The following SPECC1 variants were observed in gnomAD, a reference collection of about 807,000 sequenced individuals.
SPECC1 encodes cytospin-B.
A neutral mutation model predicts 104.1 loss-of-function variants in SPECC1; 62 were observed. The observed-to-expected ratio is 0.60, with a 90% CI of 0.49 to 0.74. The LOEUF (loss-of-function observed/expected upper bound fraction) is 0.74. Ranked by LOEUF, SPECC1 falls within the 30% of genes least tolerant of loss-of-function variation. The probability of loss-of-function intolerance (pLI) is 0.00; values close to 1 mark genes in which losing one functional copy is unlikely to be tolerated. For missense variants in SPECC1, 1,306 were observed against 1,310.5 expected, an observed-to-expected ratio of 1.00 and a Z score of 0.05; for synonymous variants, 513 against 501.6, an observed-to-expected ratio of 1.02 and a Z score of -0.30.
At position 20,205,572 on chromosome 17, in the gene SPECC1, T is replaced by C. The variant is rs150373129; in HGVS notation, c.1523T>C (p.Met508Thr). The change falls in exon 4 of 15, where the codon ATG becomes ACG. Residue 508 changes from methionine (M) to threonine (T), a missense_variant. Met to Thr is a moderately conservative substitution (Grantham distance 81). Transcript: ENST00000395527. Reference sequence around the variant, plus strand: ...GAAGAAAACCAAGGAGCTTTAGAAATGATTAAACGTCTGAAGGAAGAAAAT... The same window carrying C: ...GAAGAAAACCAAGGAGCTTTAGAAACGATTAAACGTCTGAAGGAAGAAAAT... ...VEEENQGALE[M>T]IKRLKEENEK... 894 of 1,613,940 alleles carry C rather than the reference T, an allele frequency of 5.5e-4. 3 individuals are homozygous for C. In the African/African-American group the frequency reaches 9.1e-3, roughly 16 times the overall value.
At chr17:20,051,053 T>C (rs1294000142) in intron 1 of SPECC1, among the ~76,000 whole-genome samples, 2 of 136,974 alleles carry the variant, frequency 1.5e-5, no homozygotes, top group African/African-American at 5.2e-5. Context: ...CTTGGTTCTT[T>C]CTTTCTTTCT....
chr17:20,201,367 A>C (rs1555626501), intron 3 of SPECC1, among the ~76,000 whole-genome samples: 2 of 152,124 alleles, frequency 1.3e-5, no homozygotes, highest in Non-Finnish European at 2.9e-5. Flanking sequence ...CTGTAGTTCC[A>C]GCTATTCGGG....
At chr17:20,265,012 C>CT (rs1347749418) in intron 12 of SPECC1, among the ~76,000 whole-genome samples, 2 of 152,184 alleles carry the variant, frequency 1.3e-5, no homozygotes, top group African/African-American at 4.8e-5. Flanking sequence ...ACCACATTTT[C>CT]TTTATCCAAC....
intron 1 of SPECC1, among the ~76,000 whole-genome samples, chr17:20,031,640 C>A (rs574701659): frequency 1.3e-5 from 2 of 152,186 alleles, no homozygotes; most frequent in Non-Finnish European, 2.9e-5. Flanking sequence ...AAATTCTGTA[C>A]CCATTCAACA....
chr17:20,059,932 T>G (rs2046121824), intron 1 of SPECC1, among the ~76,000 whole-genome samples: 1 of 152,242 alleles, frequency 6.6e-6, no homozygotes, highest in Non-Finnish European at 1.5e-5. Context: ...GAGGTTTCAT[T>G]CGGCAGCAAG....
In SPECC1 at chr17:20,204,405, G is replaced by A. The variant is rs1303140063; in HGVS notation, c.356G>A (p.Arg119Lys). ...TTTTCAGTAACTGTCTCAAGAGAGA[G>A]GTCTGTGCCACGTGGTCCCTCCAAC... ...REFSVTVSRE[R>K]SVPRGPSNPR... Residue 119 changes from arginine to lysine, a missense_variant, in exon 4 of 15, where the codon AGG becomes AAG. By Grantham distance (26) the Arg-to-Lys change is conservative. Coordinates refer to ENST00000395527, the MANE Select transcript of SPECC1 (RefSeq NM_001243439.2). 3.1e-6 allele frequency: 5 copies of A among 1,614,092 alleles called. No individual in the cohort carries two copies. Among genetic ancestry groups the A allele is most frequent in the Admixed American group, 3.3e-5 (2 of 60,018 alleles).
At chr17:20,075,083 A>G (rs1311676788) in intron 1 of SPECC1, among the ~76,000 whole-genome samples, 2 of 151,286 alleles carry the variant, frequency 1.3e-5, no homozygotes, top group Non-Finnish European at 2.9e-5. Context: ...TTGTATTTTT[A>G]GTAAAGACAA....
chr17:20,253,574 C>T lies in SPECC1; in HGVS notation c.2668C>T (p.Leu890Phe). 1 of 1,614,018 alleles carries T rather than the reference C, an allele frequency of 6.2e-7. No homozygotes were observed. The highest frequency in any genetic ancestry group is 8.5e-7 in the Non-Finnish European group (1 of 1,180,018). Reference sequence around the variant, plus strand: ...GACTCAACGCTTGGACCTTCCTGACCTTCCCCTCTCAGGTAAATTATGTCA... The same window carrying T: ...GACTCAACGCTTGGACCTTCCTGACTTTCCCCTCTCAGGTAAATTATGTCA... ...GVTQRLDLPD[L>F]PLSDILKGRT... is the part of the protein sequence containing the mutation. Residue 890 changes from leucine to phenylalanine, a missense_variant, in exon 10 of 15, where the codon CTT (leucine) becomes TTT (phenylalanine). This residue lies in a region of SPECC1 where 1,177 missense variants were observed against 1,139.9 expected (regional missense o/e 1.03). Transcript: ENST00000395527.
At chr17:20,117,621 T>C (rs1441442876) in intron 3 of SPECC1, among the ~76,000 whole-genome samples, 1 of 146,260 alleles carries the variant, frequency 6.8e-6, no homozygotes, top group Non-Finnish European at 1.5e-5. Context: ...ACCTCATCTC[T>C]ACAAAAATAA....
At position 20,282,652 on chromosome 17, in the gene SPECC1, G is replaced by T. The variant is rs79406441; in HGVS notation, c.2941-14309G>T. Among the ~76,000 whole-genome samples the T allele has an allele frequency of 4.5e-3, 678 of 152,244 alleles. 3 individuals are homozygous for T. Among genetic ancestry groups the T allele is most frequent in the African/African-American group, 0.015 (607 of 41,536 alleles). On this transcript the variant is annotated intron_variant, in intron 12 of 14. Coordinates refer to ENST00000395527, the MANE Select transcript of SPECC1 (RefSeq NM_001243439.2). Reference sequence around the variant, plus strand: ...GACTGGAAAGGTGCAATGAAGCCACGGCAGAGGAGACCCCCTTCACACGTC... The same window carrying T: ...GACTGGAAAGGTGCAATGAAGCCACTGCAGAGGAGACCCCCTTCACACGTC...
intron 3 of SPECC1, among the ~76,000 whole-genome samples, chr17:20,192,655 C>T (rs539429076): frequency 6.6e-6 from 1 of 152,272 alleles, no homozygotes; most frequent in East Asian, 1.9e-4. Flanking sequence ...TCTCTTCTAC[C>T]TCCCAGTTTC....
chr17:20,246,009 C>T lies in SPECC1; in HGVS notation c.2435C>T (p.Thr812Ile), dbSNP rs1282558356. The stretch of plus-strand genomic sequence containing the variant: ...GTCTGTGTTAGCAGAACATCTCCAA[C>T]ACCCCCAGAGTCGGCAACCACCGTT... ...PGVCVSRTSPTPPESATTVKS... is the reference protein window; with the variant it reads ...PGVCVSRTSPIPPESATTVKS... Residue 812 changes from threonine to isoleucine, a missense_variant, in exon 8 of 15, where the codon ACA becomes ATA. Coordinates refer to ENST00000395527, the MANE Select transcript of SPECC1 (RefSeq NM_001243439.2). The T allele has an allele frequency of 3.1e-6, 5 of 1,613,966 alleles. No individual in the cohort carries two copies. The highest frequency in any genetic ancestry group is 3.4e-6 in the Non-Finnish European group (4 of 1,180,028).
At chr17:20,019,658 G>C (rs142989017) in intron 1 of SPECC1, among the ~76,000 whole-genome samples, 163 of 152,316 alleles carry the variant, frequency 1.1e-3, no homozygotes, top group African/African-American at 3.8e-3. Flanking sequence ...CTGATAGCAG[G>C]AATGACACGA....
intron 3 of SPECC1, among the ~76,000 whole-genome samples, chr17:20,172,303 C>A (rs930637337): frequency 1.3e-5 from 2 of 152,168 alleles, no homozygotes; most frequent in Non-Finnish European, 1.5e-5. Flanking sequence ...ACTGCAAGGC[C>A]CAGTTTGCAC....
chr17:20,240,316 GT>G (rs1224970888), intron 7 of SPECC1, among the ~76,000 whole-genome samples: 1 of 151,370 alleles, frequency 6.6e-6, no homozygotes, highest in Non-Finnish European at 1.5e-5. Context: ...TGAGCTGATT[GT>G]TTTTTTCTCA....
intron 1 of SPECC1, among the ~76,000 whole-genome samples, chr17:20,060,736 A>G (rs2046155378): frequency 6.6e-6 from 1 of 152,180 alleles, no homozygotes; most frequent in African/African-American, 2.4e-5. Flanking sequence ...AGTTGTATTT[A>G]TGCCACTCAC....
intron 1 of SPECC1, among the ~76,000 whole-genome samples, chr17:20,047,062 A>C (rs1057396952): frequency 6.6e-6 from 1 of 152,204 alleles, no homozygotes; most frequent in East Asian, 1.9e-4. Flanking sequence ...GAAGCTATGA[A>C]GTTCCCATTA....
At chr17:20,157,136 C>A (rs1442649073) in intron 3 of SPECC1, among the ~76,000 whole-genome samples, 1 of 152,292 alleles carries the variant, frequency 6.6e-6, no homozygotes, top group Middle Eastern at 3.4e-3. Context: ...TTTTCCGGAG[C>A]TGGGTGCCGT....
At chr17:20,186,421 C>G (rs777253299) in intron 3 of SPECC1, among the ~76,000 whole-genome samples, 1 of 152,124 alleles carries the variant, frequency 6.6e-6, no homozygotes, top group African/African-American at 2.4e-5. Flanking sequence ...TAGACTTGCT[C>G]GATGCAGGGT....
Sources: gnomAD v4.1 joint callset for allele counts (sites outside exome capture counted in the v4.1 genomes callset) on GRCh38, gnomAD v4.1.1 for gene constraint, gnomAD v4.1.1 regional missense constraint, MANE v1.5 for transcripts, NCBI Gene and HGNC (gene_info 2026-07-23, HGNC 2026-07-21) for gene names.